Variants in CTNNA3 observed in about 807,000 individuals in gnomAD.
CTNNA3 encodes the protein catenin alpha 3, also known as catenin alpha-3.
Under a neutral mutation model 95.7 loss-of-function variants are expected in CTNNA3, and 76 were observed. The ratio of observed to expected loss-of-function variants is 0.79; its 90% CI spans 0.66 to 0.96. The LOEUF is 0.96. Among genes scored for constraint, CTNNA3 ranks in the 40% least tolerant of loss-of-function variants. The pLI is 0.00. For missense variants in CTNNA3, 1,191 were observed against 1,089.8 expected, an observed-to-expected ratio of 1.09 and a Z score of -1.31; for synonymous variants, 431 against 374.4, an observed-to-expected ratio of 1.15 and a Z score of -1.74.
At chr10:65,928,983 G>A (rs767452224) in intron 17 of CTNNA3, among the ~76,000 whole-genome samples, 89 of 151,946 alleles carry the variant, frequency 5.9e-4, no homozygotes, top group Non-Finnish European at 9.6e-4. Flanking sequence ...CCAGCAACTC[G>A]TCATTTAACA....
At position 65,919,058 on chromosome 10, in the gene CTNNA3, A is replaced by G. The variant is rs1192054613; in HGVS notation, c.*1272T>C. On this transcript the variant is annotated 3_prime_UTR_variant, in exon 18 of 18. Transcript: ENST00000433211. The stretch of plus-strand genomic sequence containing the variant: ...ATGTTTTTTAAAGTCTGTGAATCAG[A>G]ACTCTATGAATGAGAAAAAATGAAA... 6.6e-6 allele frequency: 1 copy of G among 151,876 alleles called. No homozygotes were observed. The highest frequency in any genetic ancestry group is 2.4e-5 in the African/African-American group (1 of 41,452). The allele number at this position is 151,876 out of a possible 1,614,324, so 9.4% of individuals were successfully genotyped here.
intron 1 of CTNNA3, among the ~76,000 whole-genome samples, chr10:67,668,579 G>C (rs1251514632): frequency 6.6e-6 from 1 of 152,140 alleles, no homozygotes; most frequent in Non-Finnish European, 1.5e-5. Flanking sequence ...TGAAAATCTA[G>C]ATGGCCTCTA....
At chr10:66,634,484 C>A (rs1778966970) in intron 9 of CTNNA3, among the ~76,000 whole-genome samples, 1 of 151,632 alleles carries the variant, frequency 6.6e-6, no homozygotes. Flanking sequence ...TCAATTAAAG[C>A]TTCTTATCAA....
At chr10:67,348,135 C>T (rs1048234304) in intron 5 of CTNNA3, among the ~76,000 whole-genome samples, 1 of 152,150 alleles carries the variant, frequency 6.6e-6, no homozygotes, top group East Asian at 1.9e-4. Context: ...TTACACCATA[C>T]ATAACATTCA....
At position 66,043,354 on chromosome 10, in the gene CTNNA3, C is replaced by A. The variant is rs1315410166; in HGVS notation, c.2159+25954G>T. ...ATTGAACCCCAAATTAGCAATTCCA[C>A]TGGCAATGTAGTCATTAAGAGAGCA... is the stretch of plus-strand genomic sequence containing the variant. On this transcript the variant is annotated intron_variant, in intron 15 of 17. Coordinates refer to ENST00000433211, the MANE Select transcript of CTNNA3 (RefSeq NM_013266.4). Among the ~76,000 whole-genome samples the A allele has an allele frequency of 2.0e-5, 3 of 152,136 alleles. No homozygotes were observed. In the South Asian group the frequency reaches 6.2e-4, roughly 31 times the overall value.
chr10:67,260,430 A>G (rs1866551908), intron 5 of CTNNA3, among the ~76,000 whole-genome samples: 1 of 152,218 alleles, frequency 6.6e-6, no homozygotes, highest in Non-Finnish European at 1.5e-5. Flanking sequence ...TAGTTTCTCC[A>G]CAAAATAATT....
chr10:67,085,971 T>G (rs1857288115), intron 7 of CTNNA3, among the ~76,000 whole-genome samples: 1 of 151,992 alleles, frequency 6.6e-6, no homozygotes, highest in African/African-American at 2.4e-5. Context: ...TCCACTCTCA[T>G]CATATCCTAC....
chr10:67,717,827 T>C (rs1435039598), intron 1 of CTNNA3, among the ~76,000 whole-genome samples: 2 of 152,352 alleles, frequency 1.3e-5, no homozygotes, highest in African/African-American at 4.8e-5. Context: ...ATATGAAATT[T>C]AAAGTAGTTT....
chr10:67,296,631 T>G (rs185153149), intron 5 of CTNNA3, among the ~76,000 whole-genome samples: 1 of 152,126 alleles, frequency 6.6e-6, no homozygotes, highest in Non-Finnish European at 1.5e-5. Context: ...CCAATGATGC[T>G]GTATCAAGGG....
chr10:66,931,334 A>G (rs1847377737), intron 7 of CTNNA3, among the ~76,000 whole-genome samples: 1 of 152,182 alleles, frequency 6.6e-6, no homozygotes, highest in Non-Finnish European at 1.5e-5. Flanking sequence ...ACCCCAGTAC[A>G]CATAGTGCTA....
intron 9 of CTNNA3, among the ~76,000 whole-genome samples, chr10:66,736,194 T>C (rs1292418475): frequency 2.0e-5 from 3 of 151,660 alleles, no homozygotes; most frequent in South Asian, 4.2e-4. Context: ...ACGAATACTT[T>C]TTTTTTTTTT....
rs916626916 is a variant in CTNNA3 at position 66,319,076 on chromosome 10, T to C, written c.1733-38455A>G. ...ATTTTAGGTTTGAATATAAATCCAC[T>C]TTTATAAAGTATGAACTTGGTCAAG... On this transcript the variant is annotated intron_variant, in intron 12 of 17. Transcript: ENST00000433211. Among the ~76,000 whole-genome samples the C allele has an allele frequency of 2.0e-5, 3 of 152,194 alleles. No homozygotes were observed. In the East Asian group the frequency reaches 5.8e-4, roughly 29 times the overall value.
intron 7 of CTNNA3, among the ~76,000 whole-genome samples, chr10:67,133,325 T>TATATATATATATATATATATA (rs1860120432): frequency 5.1e-5 from 2 of 39,324 alleles, no homozygotes; most frequent in Non-Finnish European, 4.4e-5. Context: ...ATATATATAT[T>TATATATATATATATATATATA]TATACACACA....
chr10:66,440,477 T>A (rs1027983087), intron 11 of CTNNA3, among the ~76,000 whole-genome samples: 2 of 152,176 alleles, frequency 1.3e-5, no homozygotes, highest in Admixed American at 1.3e-4. Flanking sequence ...GTTTATGTTA[T>A]CTTCTTCATA....
chr10:66,236,624 C>G (rs530686076), intron 13 of CTNNA3, among the ~76,000 whole-genome samples: 6 of 152,024 alleles, frequency 3.9e-5, no homozygotes, highest in Non-Finnish European at 7.4e-5. Flanking sequence ...TATTTTGTTT[C>G]TGAAATTGTT....
At chr10:66,856,391 A>G (rs1370524114) in intron 7 of CTNNA3, among the ~76,000 whole-genome samples, 1 of 151,938 alleles carries the variant, frequency 6.6e-6, no homozygotes, top group Non-Finnish European at 1.5e-5. Flanking sequence ...ATGTGTCTTT[A>G]TGGTAGAACA....
intron 5 of CTNNA3, among the ~76,000 whole-genome samples, chr10:67,287,753 C>T (rs1485955799): frequency 3.9e-5 from 6 of 152,128 alleles, no homozygotes. Flanking sequence ...ACTTAGAACA[C>T]CAGCATTTGA....
chr10:66,418,039 CT>C (rs1232022653), intron 11 of CTNNA3, among the ~76,000 whole-genome samples: 2 of 148,278 alleles, frequency 1.3e-5, no homozygotes, highest in Admixed American at 6.7e-5. Flanking sequence ...GAATCAGAAA[CT>C]AGAAAAACAA....
chr10:66,323,887 G>C (rs2092221618), intron 12 of CTNNA3, among the ~76,000 whole-genome samples: 1 of 151,982 alleles, frequency 6.6e-6, no homozygotes. Context: ...AAAGAGGGAA[G>C]AGGGGGAATG....
Sources: allele counts gnomAD v4.1 joint callset (sites outside exome capture counted in the v4.1 genomes callset), GRCh38; gene constraint gnomAD v4.1.1; transcripts MANE v1.5; gene names NCBI Gene and HGNC (gene_info 2026-07-23, HGNC 2026-07-21).